SLC7A2: variants seen among roughly 807,000 people sequenced by gnomAD.
SLC7A2 encodes the protein cationic amino acid transporter 2.
In SLC7A2, 48 loss-of-function variants were observed where a neutral mutation model predicts 58.9. The ratio of observed to expected loss-of-function variants is 0.82; its 90% CI spans 0.65 to 1.04. The LOEUF is 1.04. SLC7A2 is among the 50% of genes least tolerant of loss of function. The pLI, the probability that SLC7A2 is intolerant of heterozygous loss-of-function variation, is 0.00. For missense variants in SLC7A2, 1,029 were observed against 818.8 expected (o/e 1.26, Z -3.13); for synonymous variants, 363 against 314.5 (o/e 1.15, Z -1.63).
At chr8:17,542,974 G>C (rs760419016) in intron 2 of SLC7A2, among the ~76,000 whole-genome samples, 2 of 152,080 alleles carry the variant, frequency 1.3e-5, no homozygotes, top group Non-Finnish European at 2.9e-5. Flanking sequence ...AACAAAAACA[G>C]AAACACAAAA....
At chr8:17,506,810 G>A (rs908874745) in intron 2 of SLC7A2, among the ~76,000 whole-genome samples, 1 of 151,326 alleles carries the variant, frequency 6.6e-6, no homozygotes. Flanking sequence ...GAGTGCAGTG[G>A]CGCAATCTCG....
intron 2 of SLC7A2, among the ~76,000 whole-genome samples, chr8:17,515,960 T>C (rs1002889848): frequency 6.6e-6 from 1 of 152,152 alleles, no homozygotes; most frequent in East Asian, 1.9e-4. Flanking sequence ...CTTACTCTTT[T>C]TATATGATAT....
chr8:17,523,391 A>G (rs1433998806), intron 2 of SLC7A2, among the ~76,000 whole-genome samples: 1 of 152,224 alleles, frequency 6.6e-6, no homozygotes, highest in Non-Finnish European at 1.5e-5. Context: ...TCACCAAAAC[A>G]GCATGGTATT....
chr8:17,531,542 T>C (rs1276517641), intron 2 of SLC7A2, among the ~76,000 whole-genome samples: 2 of 152,116 alleles, frequency 1.3e-5, no homozygotes, highest in Non-Finnish European at 2.9e-5. Flanking sequence ...TTTTCACACT[T>C]TATTTAAATA....
Position 17,569,451 on chromosome 8 carries a change from C to T in SLC7A2, c.*4305C>T, listed in dbSNP as rs942006646. 13 of 152,056 alleles carry T rather than the reference C, an allele frequency of 8.5e-5. 1 individual carries two copies. Among genetic ancestry groups the T allele is most frequent in the African/African-American group, 2.7e-4 (11 of 41,388 alleles). 9.4% of individuals were successfully genotyped at this position (152,056 alleles called of 1,614,324 possible). On this transcript the variant is annotated 3_prime_UTR_variant, in exon 13 of 13. Transcript: ENST00000494857. ...TCAAGGGGGAAAGTATGGATATTCG[C>T]GTAGCAATAATGCCAGCAAAGGTCA... is the stretch of plus-strand genomic sequence containing the variant.
At chr8:17,554,867 C>T in intron 8 of SLC7A2, 168 bp downstream of exon 8, 1 of 1,512,452 alleles carries the variant, frequency 6.6e-7, no homozygotes, top group Non-Finnish European at 9.0e-7. Flanking sequence ...TTTCGTGTGT[C>T]CAGTCTTTAC....
At chr8:17,511,939 G>C (rs1166293120) in intron 2 of SLC7A2, among the ~76,000 whole-genome samples, 1 of 152,154 alleles carries the variant, frequency 6.6e-6, no homozygotes, top group African/African-American at 2.4e-5. Flanking sequence ...AACATGATCT[G>C]TCGTTCTGTA....
At chr8:17,497,413 A>G (rs1325656239) in intron 1 of SLC7A2, among the ~76,000 whole-genome samples, 176 bp downstream of exon 1, 1 of 152,070 alleles carries the variant, frequency 6.6e-6, no homozygotes, top group East Asian at 1.9e-4. Flanking sequence ...GCCGCGCTCC[A>G]GCGAGTCTTC....
rs915950192 is a variant in SLC7A2, at chr8:17,570,015, A to T, written c.*4869A>T. ...TAGTTTGGGCTCCTTAATTCCAAAC[A>T]TCCCATGAGTATATCAAGATGAATA... On this transcript the variant is annotated 3_prime_UTR_variant, in exon 13 of 13. Transcript: ENST00000494857. 10 of 152,218 alleles carry T rather than the reference A, an allele frequency of 6.6e-5. No homozygotes were observed. Among genetic ancestry groups the T allele is most frequent in the African/African-American group, 2.4e-4 (10 of 41,460 alleles). The allele number at this position is 152,218 out of a possible 1,614,324, so 9.4% of individuals were successfully genotyped here.
In SLC7A2 at chr8:17,507,018, C is replaced by T. The variant is rs143119572; in HGVS notation, c.-23+4716C>T. Among the ~76,000 whole-genome samples the T allele has an allele frequency of 2.4e-3, 360 of 149,792 alleles. 1 individual carries two copies. Among genetic ancestry groups the T allele is most frequent in the African/African-American group, 8.6e-3 (349 of 40,742 alleles). On this transcript the variant is annotated intron_variant, in intron 2 of 12. Coordinates refer to ENST00000494857, the MANE Select transcript of SLC7A2 (RefSeq NM_001370338.1). ...GGAGTGCAATGGTGCAATCTTGGCT[C>T]ACTGCAACCTCCACCTCCCAGGTTC...
intron 6 of SLC7A2, among the ~76,000 whole-genome samples, chr8:17,551,276 A>G (rs1159109322): frequency 6.6e-6 from 1 of 152,190 alleles, no homozygotes; most frequent in Non-Finnish European, 1.5e-5. Flanking sequence ...ATAAGAAAGT[A>G]CCTTCAAGAA....
intron 2 of SLC7A2, among the ~76,000 whole-genome samples, chr8:17,529,345 A>T (rs2588222): frequency 1.3e-5 from 2 of 151,248 alleles, no homozygotes; most frequent in Non-Finnish European, 2.9e-5. Flanking sequence ...CTAGGGCTCA[A>T]TTGCCAGTCA....
intron 2 of SLC7A2, among the ~76,000 whole-genome samples, chr8:17,531,459 T>G (rs1180399054): frequency 6.6e-6 from 1 of 152,180 alleles, no homozygotes; most frequent in African/African-American, 2.4e-5. Context: ...GATATATTTT[T>G]TAAATTTTTG....
chr8:17,561,088 G>A (rs921453809), intron 10 of SLC7A2, among the ~76,000 whole-genome samples: 1 of 152,142 alleles, frequency 6.6e-6, no homozygotes, highest in Admixed American at 6.5e-5. Flanking sequence ...GCAAATAGGA[G>A]TTGCCCCTAG....
In SLC7A2 at chr8:17,544,489, G is replaced by T; in HGVS notation, c.415G>T (p.Asp139Tyr). 1.2e-6 allele frequency: 2 copies of T among 1,614,084 alleles called. No individual in the cohort carries two copies. The highest frequency in any genetic ancestry group is 2.7e-5 in the African/African-American group (2 of 75,044). Residue 139 changes from aspartate (D) to tyrosine (Y), a missense_variant, in exon 4 of 13, where the codon GAT becomes TAT. Asp to Tyr is a radical substitution (Grantham distance 160). Transcript: ENST00000494857. ...TGCAAGAGCCTGGAGTGGCACCTTT[G>T]ATGAACTTCTTAGCAAACAGATTGG... is the stretch of plus-strand genomic sequence containing the variant. ...SVARAWSGTF[D>Y]ELLSKQIGQF...
Position 17,561,975 on chromosome 8 carries a change from C to T in SLC7A2, c.1536C>T (p.Thr512=), listed in dbSNP as rs1460100996. ...AFLVLGLSVL[T]TYGVHAITRL... ...TCGTGTTGGGCCTGAGTGTCTTGAC[C>T]ACTTACGGAGTTCATGCCATCACCA... The change falls in exon 11 of 13, where the codon ACC becomes ACT. Residue 512 remains threonine (T), a synonymous_variant. Coordinates refer to ENST00000494857, the MANE Select transcript of SLC7A2 (RefSeq NM_001370338.1). 3.7e-6 allele frequency: 6 copies of T among 1,614,076 alleles called. No individual in the cohort carries two copies. The highest frequency in any genetic ancestry group is 3.4e-6 in the Non-Finnish European group (4 of 1,180,018).
chr8:17,535,842 G>A (rs1801641361), intron 2 of SLC7A2, among the ~76,000 whole-genome samples: 2 of 152,142 alleles, frequency 1.3e-5, no homozygotes, highest in Non-Finnish European at 2.9e-5. Flanking sequence ...GGCGGAGGTG[G>A]CAGTGAGCCG....
intron 8 of SLC7A2, among the ~76,000 whole-genome samples, chr8:17,557,365 T>C (rs1329011144): frequency 6.6e-6 from 1 of 152,204 alleles, no homozygotes; most frequent in Non-Finnish European, 1.5e-5. Context: ...GTTTAAAGTA[T>C]GTTTTGTCTC....
At chr8:17,503,278 C>G (rs191935291) in intron 2 of SLC7A2, among the ~76,000 whole-genome samples, 24 of 152,182 alleles carry the variant, frequency 1.6e-4, no homozygotes, top group African/African-American at 5.8e-4. Context: ...TCTCGATCTC[C>G]TGACCTCATG....
Sources: gnomAD v4.1 joint callset for allele counts (sites outside exome capture counted in the v4.1 genomes callset) on GRCh38, gnomAD v4.1.1 for gene constraint, MANE v1.5 for transcripts, NCBI Gene and HGNC (gene_info 2026-07-23, HGNC 2026-07-21) for gene names.